RP1: variants seen among roughly 807,000 people sequenced by gnomAD.
The protein encoded by RP1 is oxygen-regulated protein 1.
Under a neutral mutation model 14.8 loss-of-function variants are expected in RP1, and 16 were observed. The ratio of observed to expected loss-of-function variants is 1.08; its 90% CI spans 0.73 to 1.65. RP1 has a LOEUF of 1.65. Among genes scored for constraint, RP1 ranks in the 40% most tolerant of loss-of-function variants. The pLI is 0.00. For synonymous variants in RP1, 876 were observed against 883.6 expected, an observed-to-expected ratio of 0.99 and a Z score of 0.15; for missense variants, 2,631 against 2,535.0, an observed-to-expected ratio of 1.04 and a Z score of -0.81.
chr8:54,828,836 A>G (rs1811447714), intron 24 of RP1, among the ~76,000 whole-genome samples: 1 of 144,564 alleles, frequency 6.9e-6, no homozygotes, highest in Non-Finnish European at 1.5e-5. Context: ...TTTCAGGTCC[A>G]TTATAATCTT....
At chr8:54,856,967 T>C (rs1046576764) in intron 26 of RP1, 11 of 476,218 alleles carry the variant, frequency 2.3e-5, no homozygotes, top group Admixed American at 4.6e-5. Flanking sequence ...AGTAATACTA[T>C]TTTTTTTCTA....
At chr8:54,831,333 C>G (rs1200468194) in intron 24 of RP1, among the ~76,000 whole-genome samples, 1 of 149,682 alleles carries the variant, frequency 6.7e-6, no homozygotes, top group Non-Finnish European at 1.5e-5. Flanking sequence ...TTTATATATT[C>G]TGGATATCTC....
At chr8:54,858,790 C>T (rs576476927) in intron 27 of RP1, among the ~76,000 whole-genome samples, 1 of 151,870 alleles carries the variant, frequency 6.6e-6, no homozygotes, top group Non-Finnish European at 1.5e-5. Flanking sequence ...GGAATGTTCT[C>T]ACTGTAGAGC....
At chr8:54,768,723 C>T (rs1475511856) in intron 22 of RP1, among the ~76,000 whole-genome samples, 1 of 152,080 alleles carries the variant, frequency 6.6e-6, no homozygotes, top group Non-Finnish European at 1.5e-5. Flanking sequence ...ATCACAAAGC[C>T]AGTAAATGGC....
intron 3 of RP1, among the ~76,000 whole-genome samples, chr8:54,639,038 A>G (rs388912): frequency 0.22 from 33,522 of 152,108 alleles, 4,280 homozygotes; most frequent in East Asian, 0.42. Context: ...AGATAATGGA[A>G]CATTTCCATC....
At chr8:54,634,184 A>T (rs550882486), downstream of RP1, among the ~76,000 whole-genome samples, 89 of 152,322 alleles carry the variant, frequency 5.8e-4, no homozygotes, top group African/African-American at 1.9e-3. Context: ...ATTAAAGGAT[A>T]ATTGTTTTTA....
intron 15 of RP1, among the ~76,000 whole-genome samples, chr8:54,712,850 A>G (rs148191030): frequency 1.3e-3 from 199 of 152,328 alleles, no homozygotes; most frequent in African/African-American, 4.6e-3. Flanking sequence ...CACTTTCATT[A>G]TATCTGACTA....
At chr8:54,779,837 C>A (rs997339217) in intron 23 of RP1, among the ~76,000 whole-genome samples, 2 of 152,098 alleles carry the variant, frequency 1.3e-5, no homozygotes, top group Non-Finnish European at 2.9e-5. Flanking sequence ...GAAATGCTAA[C>A]GGTATTTATA....
chr8:54,838,853 A>G (rs1204018818), intron 25 of RP1, among the ~76,000 whole-genome samples: 1 of 152,192 alleles, frequency 6.6e-6, no homozygotes, highest in Non-Finnish European at 1.5e-5. Context: ...TGGCTGTGTC[A>G]TGCAAGCTAC....
In RP1 at chr8:54,621,158, T is replaced by G; in HGVS notation, c.192T>G (p.Asp64Glu). Residue 64 changes from aspartate to glutamate, a missense_variant, in exon 2 of 4, where the codon GAT (aspartate) becomes GAG (glutamate). Asp to Glu is a conservative substitution (Grantham distance 45, BLOSUM62 2). Transcript: ENST00000220676. ...ACCCTCGCTCCTTTAAGTCCTTTGA[T>G]GCTCTGCTGGATAACTTGTCCAGGA... ...VVNPRSFKSF[D>E]ALLDNLSRKV... 1.2e-6 allele frequency: 2 copies of G among 1,614,174 alleles called. No individual in the cohort carries two copies. The highest frequency in any genetic ancestry group is 1.7e-6 in the Non-Finnish European group (2 of 1,180,030).
intron 1 of RP1, among the ~76,000 whole-genome samples, chr8:54,562,145 C>T (rs968829423): frequency 6.6e-6 from 1 of 152,168 alleles, no homozygotes; most frequent in African/African-American, 2.4e-5. Context: ...AACTCAGCAG[C>T]TTTGCTATTA....
At position 54,626,890 on chromosome 8, in the gene RP1, A is replaced by G. The variant is rs1806073071; in HGVS notation, c.3008A>G (p.Asp1003Gly). 2 of 1,613,860 alleles carry G rather than the reference A, an allele frequency of 1.2e-6. No homozygotes were observed. Among genetic ancestry groups the G allele is most frequent in the African/African-American group, 2.7e-5 (2 of 75,050 alleles). The stretch of plus-strand genomic sequence containing the variant: ...ATTGCCAATGACACTGGTGAAGAAG[A>G]TCTCCATGAGACACAGGTTGGATCT... Reference protein sequence around the residue: ...SFIANDTGEEDLHETQVGSLN... With the variant: ...SFIANDTGEEGLHETQVGSLN... The change falls in exon 4 of 4, where the codon GAT becomes GGT. Residue 1003 changes from aspartate to glycine, a missense_variant. Physicochemically the swap from Asp to Gly is moderately conservative, Grantham distance 94. Transcript: ENST00000220676.
At position 54,627,212 on chromosome 8, in the gene RP1, T is replaced by A; in HGVS notation, c.3330T>A (p.Gly1110=). ...KTQNGVVQMP[G]SLAGVPFHSA... ...AGAATGGAGTTGTTCAAATGCCAGG[T>A]TCACTTGCAGGTGTTCCCTTTCATT... Residue 1110 remains glycine (G), a synonymous_variant, in exon 4 of 4, where the codon GGT becomes GGA. Transcript: ENST00000220676. 1 of 1,614,090 alleles carries A rather than the reference T, an allele frequency of 6.2e-7. No individual in the cohort carries two copies. Among genetic ancestry groups the A allele is most frequent in the East Asian group, 2.2e-5 (1 of 44,888 alleles).
chr8:54,648,669 G>A (rs929281339), intron 3 of RP1, among the ~76,000 whole-genome samples: 4 of 151,982 alleles, frequency 2.6e-5, no homozygotes, highest in African/African-American at 9.7e-5. Flanking sequence ...TCAAAATACT[G>A]GGAGCTTCAA....
intron 3 of RP1, among the ~76,000 whole-genome samples, chr8:54,643,890 C>CA (rs1261525572): frequency 9.9e-5 from 15 of 152,152 alleles, no homozygotes; most frequent in Non-Finnish European, 2.2e-4. Flanking sequence ...TGCTTTCTAG[C>CA]CCCCAATAAT....
chr8:54,863,059 A>ATATATG (rs1163027013), intron 27 of RP1, among the ~76,000 whole-genome samples: 1 of 142,568 alleles, frequency 7.0e-6, no homozygotes, highest in Non-Finnish European at 1.5e-5. Flanking sequence ...ATATATATAT[A>ATATATG]TATATATATA....
intron 12 of RP1, among the ~76,000 whole-genome samples, chr8:54,698,849 G>A (rs1807938212): frequency 6.6e-6 from 1 of 152,072 alleles, no homozygotes; most frequent in South Asian, 2.1e-4. Flanking sequence ...GAGAACACAT[G>A]GACATAGGGA....
At chr8:54,594,676 T>G (rs1339195435) in intron 1 of RP1, among the ~76,000 whole-genome samples, 1 of 152,228 alleles carries the variant, frequency 6.6e-6, no homozygotes, top group Non-Finnish European at 1.5e-5. Context: ...ATTCATTCTT[T>G]TCTTTCATTA....
chr8:54,639,253 A>T (rs565996597), intron 3 of RP1, among the ~76,000 whole-genome samples: 1 of 152,340 alleles, frequency 6.6e-6, no homozygotes, highest in South Asian at 2.1e-4. Context: ...TGCCTGAATC[A>T]GTAGTTGTTT....
Sources: gnomAD v4.1 joint callset for allele counts (sites outside exome capture counted in the v4.1 genomes callset) on GRCh38, gnomAD v4.1.1 for gene constraint, MANE v1.5 for transcripts, NCBI Gene and HGNC (gene_info 2026-07-23, HGNC 2026-07-21) for gene names.